Variants in LRP1B observed in about 807,000 individuals in gnomAD.
LRP1B encodes low-density lipoprotein receptor-related protein 1B.
In LRP1B, 217 loss-of-function variants were observed where a neutral mutation model predicts 556.6. That is an observed-to-expected ratio of 0.39 (90% CI 0.35 to 0.44). LRP1B has a LOEUF of 0.44. Ranked by LOEUF, LRP1B falls within the 20% of genes least tolerant of loss-of-function variation. The probability of loss-of-function intolerance (pLI) is 1.00; values close to 1 mark genes in which losing one functional copy is unlikely to be tolerated. For synonymous variants in LRP1B, 2,047 were observed against 1,865.8 expected, an observed-to-expected ratio of 1.10 and a Z score of -2.50; for missense variants, 5,053 against 5,620.8, an observed-to-expected ratio of 0.90 and a Z score of 3.23.
intron 2 of LRP1B, among the ~76,000 whole-genome samples, chr2:141,664,889 G>C (rs1208780654): frequency 3.3e-5 from 5 of 152,058 alleles, no homozygotes; most frequent in African/African-American, 1.2e-4. Flanking sequence ...AAAAGAGCCT[G>C]TCTGCCCAAG....
At chr2:141,842,048 G>A (rs2105761698) in intron 1 of LRP1B, among the ~76,000 whole-genome samples, 1 of 152,234 alleles carries the variant, frequency 6.6e-6, no homozygotes, top group African/African-American at 2.4e-5. Context: ...AAAGAGATCT[G>A]AAAATTGTGA....
rs183744936 is a variant in LRP1B, at chr2:141,715,770, G to A, written c.205+94509C>T. Among the ~76,000 whole-genome samples the A allele has an allele frequency of 3.4e-3, 522 of 152,136 alleles. 5 individuals are homozygous for A. The highest frequency in any genetic ancestry group is 6.0e-3 in the Non-Finnish European group (406 of 68,008). The stretch of plus-strand genomic sequence containing the variant: ...GCAGAGGTTGTAGTGAGCCAAGATC[G>A]CGTCATTGCACTCCAGCCTGGGTGA... On this transcript the variant is annotated intron_variant, in intron 2 of 90. Coordinates refer to ENST00000389484, the MANE Select transcript of LRP1B (RefSeq NM_018557.3).
chr2:141,232,221 G>A (rs1468030341), intron 5 of LRP1B, among the ~76,000 whole-genome samples: 1 of 152,078 alleles, frequency 6.6e-6, no homozygotes, highest in Admixed American at 6.6e-5. Context: ...TGTTGACCTT[G>A]GCACTCTTGA....
At chr2:141,745,820 C>T (rs989793846) in intron 2 of LRP1B, among the ~76,000 whole-genome samples, 1 of 152,080 alleles carries the variant, frequency 6.6e-6, no homozygotes, top group African/African-American at 2.4e-5. Flanking sequence ...GTCTCAGAGT[C>T]TCACCCAAGG....
intron 7 of LRP1B, among the ~76,000 whole-genome samples, chr2:141,157,360 A>G (rs1307807388): frequency 2.0e-5 from 3 of 152,132 alleles, no homozygotes; most frequent in Non-Finnish European, 4.4e-5. Context: ...ATATTTACAT[A>G]GTATATATAG....
At chr2:140,849,068 G>T (rs1692359397) in intron 29 of LRP1B, among the ~76,000 whole-genome samples, 2 of 151,710 alleles carry the variant, frequency 1.3e-5, no homozygotes, top group Admixed American at 1.3e-4. Context: ...CTTAAGTAGG[G>T]GAGGGAGGCC....
intron 43 of LRP1B, among the ~76,000 whole-genome samples, chr2:140,559,943 T>C (rs1304755375): frequency 6.6e-6 from 1 of 152,100 alleles, no homozygotes; most frequent in African/African-American, 2.4e-5. Context: ...TAAGATACAA[T>C]GAGGATTACA....
At chr2:140,318,397 C>G (rs905190807) in intron 82 of LRP1B, among the ~76,000 whole-genome samples, 9 of 151,934 alleles carry the variant, frequency 5.9e-5, no homozygotes, top group Admixed American at 5.9e-4. Flanking sequence ...GTTGAAAGAG[C>G]AAAACACATC....
At chr2:142,031,972 A>G (rs959323165) in intron 1 of LRP1B, among the ~76,000 whole-genome samples, 1 of 151,860 alleles carries the variant, frequency 6.6e-6, no homozygotes, top group Admixed American at 6.6e-5. Context: ...AAGACAAGGA[A>G]CTACCAGAAA....
In LRP1B at chr2:140,485,883, A is replaced by AC. The variant is rs1553473140; in HGVS notation, c.9244-360_9244-359insG. ...CACACACACACACACACACACACAC[A>AC]AACTTAGAGATATTATTTTTCTTTA... is the stretch of plus-strand genomic sequence containing the variant. On this transcript the variant is annotated intron_variant, in intron 58 of 90. Coordinates refer to ENST00000389484, the MANE Select transcript of LRP1B (RefSeq NM_018557.3). Among the ~76,000 whole-genome samples, 21 of 150,880 alleles carry AC rather than the reference A, an allele frequency of 1.4e-4. 1 individual carries two copies. Among genetic ancestry groups the AC allele is most frequent in the South Asian group, 4.2e-4 (2 of 4,750 alleles).
At chr2:141,125,721 T>G (rs1278177618) in intron 7 of LRP1B, among the ~76,000 whole-genome samples, 1 of 152,032 alleles carries the variant, frequency 6.6e-6, no homozygotes, top group African/African-American at 2.4e-5. Context: ...CTTCTCTCTG[T>G]GTACTTTATC....
At chr2:141,039,161 A>G (rs929242039) in intron 11 of LRP1B, among the ~76,000 whole-genome samples, 1 of 152,062 alleles carries the variant, frequency 6.6e-6, no homozygotes, top group Non-Finnish European at 1.5e-5. Context: ...TTCATCCTGC[A>G]TATCCACACT....
chr2:140,865,955 C>G (rs572840520), intron 27 of LRP1B, among the ~76,000 whole-genome samples: 1 of 151,946 alleles, frequency 6.6e-6, no homozygotes, highest in Non-Finnish European at 1.5e-5. Flanking sequence ...TATGAATTTA[C>G]TAAGGGTCAT....
chr2:140,294,089 C>T (rs1278397601), intron 84 of LRP1B, among the ~76,000 whole-genome samples: 2 of 152,030 alleles, frequency 1.3e-5, no homozygotes, highest in Non-Finnish European at 2.9e-5. Context: ...AACTGCTATA[C>T]AAACTATGGC....
chr2:141,068,249 A>G (rs2105478015), intron 7 of LRP1B, among the ~76,000 whole-genome samples: 2 of 152,144 alleles, frequency 1.3e-5, no homozygotes, highest in Admixed American at 1.3e-4. Context: ...GAGGACGCAG[A>G]CATACAAGTG....
chr2:140,445,439 C>G (rs886286765), intron 63 of LRP1B, among the ~76,000 whole-genome samples: 1 of 152,034 alleles, frequency 6.6e-6, no homozygotes, highest in Non-Finnish European at 1.5e-5. Flanking sequence ...TCCAGCACAA[C>G]GTAAAGCAAA....
At chr2:141,316,346 C>G (rs773595747) in intron 3 of LRP1B, among the ~76,000 whole-genome samples, 1 of 152,162 alleles carries the variant, frequency 6.6e-6, no homozygotes. Context: ...CCTCCTTTCA[C>G]TATATACCAT....
At chr2:141,110,591 A>G (rs1210957967) in intron 7 of LRP1B, among the ~76,000 whole-genome samples, 1 of 152,154 alleles carries the variant, frequency 6.6e-6, no homozygotes, top group Non-Finnish European at 1.5e-5. Context: ...CATAGGAAAG[A>G]CAAATGGCTT....
chr2:141,451,396 C>A, intron 3 of LRP1B, among the ~76,000 whole-genome samples: 1 of 152,144 alleles, frequency 6.6e-6, no homozygotes, highest in East Asian at 1.9e-4. Flanking sequence ...ATTTAAATTA[C>A]AAAATAATAC....
Sources: allele counts gnomAD v4.1 joint callset (sites outside exome capture counted in the v4.1 genomes callset), GRCh38; gene constraint gnomAD v4.1.1; transcripts MANE v1.5; gene names NCBI Gene and HGNC (gene_info 2026-07-23, HGNC 2026-07-21).